AFF2: variants seen among roughly 807,000 people sequenced by gnomAD.
The protein encoded by AFF2 is AF4/FMR2 family member 2.
Under a neutral mutation model 76.9 loss-of-function variants are expected in AFF2, and 14 were observed. The ratio of observed to expected loss-of-function variants is 0.18; its 90% CI spans 0.12 to 0.28. AFF2 has a LOEUF of 0.28. Ranked by LOEUF, AFF2 falls within the 10% of genes least tolerant of loss-of-function variation. AFF2 has a pLI of 1.00. For synonymous variants in AFF2, 398 were observed against 366.7 expected, an observed-to-expected ratio of 1.09 and a Z score of -0.98; for missense variants, 868 against 1,001.1, an observed-to-expected ratio of 0.87 and a Z score of 1.79.
At chrX:148,614,717 C>CTTTCTTTCTTTCTTTCT (rs1557249979) in intron 1 of AFF2, among the ~76,000 whole-genome samples, 479 of 47,612 alleles carry the variant, frequency 0.01, 9 homozygotes, top group African/African-American at 0.023. Flanking sequence ...TTCTTTCTTT[C>CTTTCTTTCTTTCTTTCT]TTTCTTTCTT....
At chrX:148,578,467 C>T (rs719058) in intron 1 of AFF2, among the ~76,000 whole-genome samples, 34,127 of 110,487 alleles carry the variant, frequency 0.31, 4,093 homozygotes, top group African/African-American at 0.38. Flanking sequence ...CTAATAGGTG[C>T]GTTGAAGGGA....
chrX:148,856,068 G>C (rs1431351935), intron 7 of AFF2, among the ~76,000 whole-genome samples: 1 of 111,089 alleles, frequency 9.0e-6, no homozygotes, highest in African/African-American at 3.3e-5. Context: ...TCTCCAGAAA[G>C]AGCAAACCTG....
At chrX:148,568,190 G>A (rs1164177622) in intron 1 of AFF2, among the ~76,000 whole-genome samples, 1 of 111,560 alleles carries the variant, frequency 9.0e-6, no homozygotes, top group Non-Finnish European at 1.9e-5. Context: ...AATATCAGAT[G>A]TCAACAGGCC....
intron 1 of AFF2, among the ~76,000 whole-genome samples, chrX:148,558,349 A>G (rs1460753340): frequency 9.0e-6 from 1 of 111,703 alleles, no homozygotes; most frequent in East Asian, 2.8e-4. Context: ...CAATGAGGTT[A>G]TGAGCTCTAA....
chrX:148,894,907 A>G (rs2071265120), intron 8 of AFF2, among the ~76,000 whole-genome samples: 1 of 111,054 alleles, frequency 9.0e-6, no homozygotes, highest in Non-Finnish European at 1.9e-5. Flanking sequence ...ATATATATAT[A>G]TATACACAAA....
Position 148,993,949 on chromosome X carries a change from G to A in AFF2, c.*2617G>A, listed in dbSNP as rs1005146712. 8 of 112,203 alleles carry A rather than the reference G, an allele frequency of 7.1e-5. No homozygotes were observed. Among genetic ancestry groups the A allele is most frequent in the Non-Finnish European group, 1.5e-4 (8 of 53,223 alleles). The allele number at this position is 112,203 out of a possible 1,213,427, so 9.2% of individuals were successfully genotyped here. ...CACAGTGTAAATGGTGATGCGTGTC[G>A]TAGGTGTGCAGCTATTTGAGGGACT... On this transcript the variant is annotated 3_prime_UTR_variant, in exon 21 of 21. Transcript: ENST00000370460.
Position 148,962,957 on chromosome X carries a change from T to C in AFF2, c.2913+20T>C. ...GTAAATGTAAGCATCTTGGAAGAAA[T>C]ATTATTATTGTCAGGTAGAAACAAG... On this transcript the variant is annotated intron_variant, in intron 13 of 20. Coordinates refer to ENST00000370460, the MANE Select transcript of AFF2 (RefSeq NM_002025.4). 9.3e-7 allele frequency: 1 copy of C among 1,075,858 alleles called. No individual in the cohort carries two copies. Among genetic ancestry groups the C allele is most frequent in the Non-Finnish European group, 1.3e-6 (1 of 773,415 alleles). The allele number at this position is 1,075,858 out of a possible 1,213,427, so 88.7% of individuals were successfully genotyped here. A position where few individuals can be genotyped will look rare whatever the true frequency, so the allele number is the denominator to read the frequency against.
chrX:148,626,861 A>G (rs1407190025), intron 1 of AFF2, among the ~76,000 whole-genome samples: 3 of 111,487 alleles, frequency 2.7e-5, no homozygotes, highest in African/African-American at 9.8e-5. Flanking sequence ...CCCATTTTCA[A>G]ATAAGTTCAC....
At chrX:148,518,406 T>C (rs782338549) in intron 1 of AFF2, among the ~76,000 whole-genome samples, 1 of 112,627 alleles carries the variant, frequency 8.9e-6, no homozygotes, top group African/African-American at 3.2e-5. Context: ...GTCTCACTTC[T>C]GCAAGAGAAG....
intron 1 of AFF2, among the ~76,000 whole-genome samples, chrX:148,640,925 G>C (rs782725537): frequency 9.0e-6 from 1 of 111,695 alleles, no homozygotes; most frequent in East Asian, 2.8e-4. Context: ...ATGTGTACTT[G>C]AATTAGCTGA....
intron 3 of AFF2, among the ~76,000 whole-genome samples, chrX:148,710,063 T>C (rs781874362): frequency 3.9e-4 from 44 of 111,544 alleles, no homozygotes; most frequent in Non-Finnish European, 7.3e-4. Flanking sequence ...ACTGGAAAAA[T>C]CCCTTACTCA....
At chrX:148,564,582 C>T (rs1351350575) in intron 1 of AFF2, among the ~76,000 whole-genome samples, 3 of 110,463 alleles carry the variant, frequency 2.7e-5, no homozygotes, top group African/African-American at 9.9e-5. Flanking sequence ...CATTTTACAC[C>T]ATTTTCCATT....
At chrX:148,956,775 A>G (rs1345345149) in intron 11 of AFF2, among the ~76,000 whole-genome samples, 162 bp downstream of exon 11, 1 of 112,785 alleles carries the variant, frequency 8.9e-6, no homozygotes. Context: ...TGACATGACC[A>G]GAGAGGAAAA....
chrX:148,577,279 ATGTGTG>A (rs199980349), intron 1 of AFF2, among the ~76,000 whole-genome samples: 3 of 109,049 alleles, frequency 2.8e-5, no homozygotes, highest in Non-Finnish European at 3.8e-5. Flanking sequence ...ATTACCTTGG[ATGTGTG>A]TGTGTGTGTG....
intron 15 of AFF2, among the ~76,000 whole-genome samples, chrX:148,968,751 G>A (rs2072212157): frequency 8.9e-6 from 1 of 112,070 alleles, no homozygotes; most frequent in Non-Finnish European, 1.9e-5. Context: ...TTTCTGTGGT[G>A]TAAATTGTTC....
At chrX:148,965,299 C>G (rs1284462091) in intron 13 of AFF2, among the ~76,000 whole-genome samples, 1 of 111,998 alleles carries the variant, frequency 8.9e-6, no homozygotes, top group African/African-American at 3.2e-5. Context: ...GAGTAATTAA[C>G]TGCAATTAAC....
chrX:148,874,933 T>C (rs2124108267), intron 7 of AFF2, among the ~76,000 whole-genome samples: 1 of 112,360 alleles, frequency 8.9e-6, no homozygotes, highest in African/African-American at 3.2e-5. Context: ...CACATCAATG[T>C]AATTGTGCCA....
intron 1 of AFF2, among the ~76,000 whole-genome samples, chrX:148,569,315 T>C (rs1249370752): frequency 6.3e-5 from 7 of 111,243 alleles, no homozygotes; most frequent in Non-Finnish European, 1.3e-4. Flanking sequence ...TCCTTTCTAC[T>C]TTCCCTAAGA....
intron 8 of AFF2, among the ~76,000 whole-genome samples, chrX:148,892,195 T>G (rs1475614454): frequency 8.9e-6 from 1 of 112,073 alleles, no homozygotes; most frequent in African/African-American, 3.2e-5. Context: ...AAATGTTCAC[T>G]TAATTGAAAG....
Sources: gnomAD v4.1 joint callset for allele counts (sites outside exome capture counted in the v4.1 genomes callset) on GRCh38, gnomAD v4.1.1 for gene constraint, MANE v1.5 for transcripts, NCBI Gene and HGNC (gene_info 2026-07-23, HGNC 2026-07-21) for gene names.